The following SLC38A4 variants were observed in gnomAD, a reference collection of about 807,000 sequenced individuals.
SLC38A4 encodes sodium-coupled neutral amino acid transporter 4.
Under a neutral mutation model 63.1 loss-of-function variants are expected in SLC38A4, and 20 were observed. That is an observed-to-expected ratio of 0.32 (90% CI 0.22 to 0.46). The LOEUF (loss-of-function observed/expected upper bound fraction) is 0.46, where lower values mean the gene tolerates loss of function less well. Among genes scored for constraint, SLC38A4 ranks in the 20% least tolerant of loss-of-function variants. The pLI is 1.00. For synonymous variants in SLC38A4, 230 were observed against 225.5 expected, an observed-to-expected ratio of 1.02 and a Z score of -0.18; for missense variants, 526 against 663.6, an observed-to-expected ratio of 0.79 and a Z score of 2.28.
At chr12:46,820,346 C>T (rs74239144) in intron 1 of SLC38A4, among the ~76,000 whole-genome samples, 15,910 of 152,000 alleles carry the variant, frequency 0.1, 1,157 homozygotes, top group South Asian at 0.27. Context: ...CCACTTCTTC[C>T]AGCCCCTGGT....
At chr12:46,788,720 G>C in intron 3 of SLC38A4, 102 bp from the exon 4 acceptor site, 1 of 1,063,108 alleles carries the variant, frequency 9.4e-7, no homozygotes, top group Non-Finnish European at 1.4e-6. Flanking sequence ...TCAGAGGAGG[G>C]GAAATAAGAC....
At chr12:46,799,348 T>C (rs1287277383) in intron 2 of SLC38A4, among the ~76,000 whole-genome samples, 2 of 152,086 alleles carry the variant, frequency 1.3e-5, no homozygotes, top group Non-Finnish European at 2.9e-5. Flanking sequence ...ACACCTGTAA[T>C]CCCAGAGCTT....
intron 14 of SLC38A4, 43 bp downstream of exon 14, chr12:46,775,006 T>A (rs758558078): frequency 6.2e-7 from 1 of 1,601,300 alleles, no homozygotes; most frequent in South Asian, 1.1e-5. Flanking sequence ...TACTAATTTA[T>A]GGGGTCAAGT....
intron 1 of SLC38A4, among the ~76,000 whole-genome samples, chr12:46,805,137 A>T (rs1939205834): frequency 6.6e-6 from 1 of 151,942 alleles, no homozygotes; most frequent in Non-Finnish European, 1.5e-5. Context: ...AAATGTATAG[A>T]TCGTTAAAGT....
chr12:46,828,181 AC>A (rs1478350749), upstream of SLC38A4, among the ~76,000 whole-genome samples: 3 of 152,120 alleles, frequency 2.0e-5, no homozygotes, highest in African/African-American at 7.2e-5. Context: ...TGCCTGGCTA[AC>A]TTTTATTTCT....
At chr12:46,773,477 C>A (rs112342950) in intron 14 of SLC38A4, among the ~76,000 whole-genome samples, 1 of 152,166 alleles carries the variant, frequency 6.6e-6, no homozygotes, top group African/African-American at 2.4e-5. Flanking sequence ...TGAAGGACAG[C>A]AGTTAGTCAT....
chr12:46,817,078 T>G (rs1381840397), intron 1 of SLC38A4, among the ~76,000 whole-genome samples: 1 of 151,782 alleles, frequency 6.6e-6, no homozygotes, highest in African/African-American at 2.4e-5. Flanking sequence ...CAGGCTTGTG[T>G]ATATCTGTAA....
chr12:46,765,504 A>G lies in SLC38A4; in HGVS notation c.*1197T>C, dbSNP rs1403524363. 6.2e-6 allele frequency: 2 copies of G among 325,128 alleles called. No individual in the cohort carries two copies. The highest frequency in any genetic ancestry group is 5.9e-6 in the Non-Finnish European group (1 of 168,454). The allele number at this position is 325,128 out of a possible 1,614,324, so 20.1% of individuals were successfully genotyped here. A position where few individuals can be genotyped will look rare whatever the true frequency, so the allele number is the denominator to read the frequency against. Reference sequence around the variant, plus strand: ...TTATTTTCTTGTAGATCATCCTATTATTGTAAATATTGAAGAAGAGCATTG... The same window carrying G: ...TTATTTTCTTGTAGATCATCCTATTGTTGTAAATATTGAAGAAGAGCATTG... On this transcript the variant is annotated 3_prime_UTR_variant, in exon 17 of 17. Transcript: ENST00000266579.
At chr12:46,805,565 A>C (rs117193269) in intron 1 of SLC38A4, among the ~76,000 whole-genome samples, 9,928 of 152,068 alleles carry the variant, frequency 0.065, 448 homozygotes, top group Non-Finnish European at 0.096. Context: ...TATAATTATA[A>C]TTTAATGTTC....
At chr12:46,800,331 C>G (rs886127817) in intron 2 of SLC38A4, among the ~76,000 whole-genome samples, 19 of 152,086 alleles carry the variant, frequency 1.2e-4, no homozygotes, top group Non-Finnish European at 2.8e-4. Flanking sequence ...AGACTAAAGT[C>G]AAATTTCCTA....
At chr12:46,789,881 A>AGCCT (rs1938847006) in intron 3 of SLC38A4, among the ~76,000 whole-genome samples, 1 of 152,194 alleles carries the variant, frequency 6.6e-6, no homozygotes, top group Non-Finnish European at 1.5e-5. Flanking sequence ...GTTCAAGACC[A>AGCCT]GCCTGGCCAA....
At chr12:46,802,447 T>C (rs1378126812) in intron 2 of SLC38A4, among the ~76,000 whole-genome samples, 4 of 152,004 alleles carry the variant, frequency 2.6e-5, no homozygotes, top group Non-Finnish European at 5.9e-5. Context: ...CTAACTCACA[T>C]AACTAAAAAA....
chr12:46,816,575 G>A lies in SLC38A4; in HGVS notation c.-305+9328C>T, dbSNP rs556044687. Among the ~76,000 whole-genome samples, 45 of 151,936 alleles carry A rather than the reference G, an allele frequency of 3.0e-4. 1 individual carries two copies. Among genetic ancestry groups the A allele is most frequent in the African/African-American group, 1.0e-3 (42 of 41,490 alleles). ...AAATAAAAATACGGGCAGCTGATTA[G>A]GCCTTCTTTCGGCCTCAATCAGCAT... is the stretch of plus-strand genomic sequence containing the variant. On this transcript the variant is annotated intron_variant, in intron 1 of 16. Coordinates refer to ENST00000266579, the MANE Select transcript of SLC38A4 (RefSeq NM_018018.5).
rs192270809 is a variant in SLC38A4 at position 46,782,336 on chromosome 12, C to T, written c.493+2206G>A. On this transcript the variant is annotated intron_variant, in intron 7 of 16. Coordinates refer to ENST00000266579, the MANE Select transcript of SLC38A4 (RefSeq NM_018018.5). The stretch of plus-strand genomic sequence containing the variant: ...ATCCAACTGTTCATCAATAAGGATA[C>T]TGTAAACAAATTATGGCACATTTGT... Among the ~76,000 whole-genome samples the T allele has an allele frequency of 3.5e-3, 526 of 151,974 alleles. 3 individuals are homozygous for T. The highest frequency in any genetic ancestry group is 3.7e-3 in the Non-Finnish European group (249 of 67,932).
chr12:46,780,786 A>G (rs1322421463), intron 7 of SLC38A4, among the ~76,000 whole-genome samples: 1 of 152,024 alleles, frequency 6.6e-6, no homozygotes, highest in Non-Finnish European at 1.5e-5. Context: ...ATTCATATAC[A>G]TAACATTACA....
chr12:46,773,798 A>G (rs1256919477), intron 14 of SLC38A4, among the ~76,000 whole-genome samples: 1 of 152,072 alleles, frequency 6.6e-6, no homozygotes, highest in Non-Finnish European at 1.5e-5. Context: ...TGAAAACACT[A>G]TATGAATATG....
At position 46,818,303 on chromosome 12, in the gene SLC38A4, C is replaced by T. The variant is rs151148523; in HGVS notation, c.-305+7600G>A. Among the ~76,000 whole-genome samples, 13 of 151,954 alleles carry T rather than the reference C, an allele frequency of 8.6e-5. No individual in the cohort carries two copies. The East Asian group carries it at 2.5e-3, about 29-fold the overall frequency. ...TTAAGAGAAGCAGCTTAGACAAAACCTATGAACCACCTTTATATGAGTCAT... is the reference window on the plus strand; with the variant it reads ...TTAAGAGAAGCAGCTTAGACAAAACTTATGAACCACCTTTATATGAGTCAT... On this transcript the variant is annotated intron_variant, in intron 1 of 16. Coordinates refer to ENST00000266579, the MANE Select transcript of SLC38A4 (RefSeq NM_018018.5).
At chr12:46,778,117 C>T (rs1263974377) in intron 12 of SLC38A4, among the ~76,000 whole-genome samples, 172 bp downstream of exon 12, 3 of 151,986 alleles carry the variant, frequency 2.0e-5, no homozygotes, top group Non-Finnish European at 4.4e-5. Context: ...TAAGGTAGTG[C>T]TGTGGTGGGC....
chr12:46,800,818 A>G (rs1377596314), intron 2 of SLC38A4, among the ~76,000 whole-genome samples: 2 of 152,176 alleles, frequency 1.3e-5, no homozygotes, highest in African/African-American at 4.8e-5. Flanking sequence ...GCAATTTGAT[A>G]TGATCTGTGT....
Sources: allele counts gnomAD v4.1 joint callset (sites outside exome capture counted in the v4.1 genomes callset), GRCh38; gene constraint gnomAD v4.1.1; transcripts MANE v1.5; gene names NCBI Gene and HGNC (gene_info 2026-07-23, HGNC 2026-07-21).